LIPA: variants seen among roughly 807,000 people sequenced by gnomAD.
LIPA encodes lipase A, lysosomal acid type, also known as lysosomal acid lipase/cholesteryl ester hydrolase.
In LIPA, 26 loss-of-function variants were observed where a neutral mutation model predicts 40.6. That is an observed-to-expected ratio of 0.64 (90% CI 0.47 to 0.89). The LOEUF (loss-of-function observed/expected upper bound fraction) is 0.89. Ranked by LOEUF, LIPA falls within the 40% of genes least tolerant of loss-of-function variation. The pLI, the probability that LIPA is intolerant of heterozygous loss-of-function variation, is 0.00. For missense variants in LIPA, 455 were observed against 479.6 expected, an observed-to-expected ratio of 0.95 and a Z score of 0.48; for synonymous variants, 188 against 168.4, an observed-to-expected ratio of 1.12 and a Z score of -0.90.
chr10:89,362,862 T>C, intron 2 of LIPA: 1 of 318,498 alleles, frequency 3.1e-6, no homozygotes. Context: ...CATCACTGCC[T>C]ATTGCCTGGA....
chr10:89,282,007 A>C (rs1037120354), intron 1 of LIPA, among the ~76,000 whole-genome samples: 1 of 152,192 alleles, frequency 6.6e-6, no homozygotes, highest in African/African-American at 2.4e-5. Context: ...TGCAGGGTCT[A>C]CACTGTTGCT....
At chr10:89,283,438 C>T (rs762438859) in intron 1 of LIPA, among the ~76,000 whole-genome samples, 21 of 152,204 alleles carry the variant, frequency 1.4e-4, no homozygotes, top group Non-Finnish European at 2.5e-4. Context: ...TTTCTTTTAA[C>T]ATTAGCTACT....
chr10:89,251,759 C>T lies in LIPA; in HGVS notation c.-24G>A, dbSNP rs2133477849. ...CACCTGGAGCTGTCCTGCCGGGCCG[C>T]TGTCTCGAGTCGCAGTGCCAGCTCT... On this transcript the variant is annotated 5_prime_UTR_variant, in exon 1 of 10. Coordinates refer to ENST00000336233, the MANE Select transcript of LIPA (RefSeq NM_000235.4). 1 of 152,446 alleles carries T rather than the reference C, an allele frequency of 6.6e-6. No homozygotes were observed. Among genetic ancestry groups the T allele is most frequent in the East Asian group, 1.9e-4 (1 of 5,188 alleles). 9.4% of individuals were successfully genotyped at this position (152,446 alleles called of 1,614,324 possible). A position where few individuals can be genotyped will look rare whatever the true frequency, so the allele number is the denominator to read the frequency against.
intron 4 of LIPA, 106 bp downstream of exon 4, chr10:89,228,094 A>G: frequency 1.1e-6 from 1 of 947,450 alleles, no homozygotes; most frequent in Non-Finnish European, 1.7e-6. Flanking sequence ...TTCCCCTCTC[A>G]TACAACTTCA....
chr10:89,319,518 G>T (rs1843559728), intron 1 of LIPA, among the ~76,000 whole-genome samples: 1 of 152,180 alleles, frequency 6.6e-6, no homozygotes, highest in Non-Finnish European at 1.5e-5. Flanking sequence ...CCAGGAAGAA[G>T]TTGAATTCCT....
At chr10:89,410,680 A>C (rs953793879) in intron 2 of LIPA, among the ~76,000 whole-genome samples, 1 of 152,372 alleles carries the variant, frequency 6.6e-6, no homozygotes, top group Non-Finnish European at 1.5e-5. Context: ...CTAATCCTAC[A>C]TGCCCATGCT....
At chr10:89,304,434 G>A (rs1389526234) in intron 1 of LIPA, among the ~76,000 whole-genome samples, 1 of 152,154 alleles carries the variant, frequency 6.6e-6, no homozygotes, top group East Asian at 1.9e-4. Flanking sequence ...AAGTGGGAGA[G>A]AGAGGGGCAG....
chr10:89,239,610 C>G (rs778886160), intron 3 of LIPA, among the ~76,000 whole-genome samples: 1 of 152,186 alleles, frequency 6.6e-6, no homozygotes, highest in Non-Finnish European at 1.5e-5. Context: ...GGAAGAAAAC[C>G]GTTCCATGCC....
intron 2 of LIPA, among the ~76,000 whole-genome samples, chr10:89,411,372 T>G (rs1841468138): frequency 6.6e-6 from 1 of 152,146 alleles, no homozygotes; most frequent in South Asian, 2.1e-4. Context: ...TAATAATTGG[T>G]CTGCTCAAAT....
chr10:89,255,907 T>A (rs937731022), upstream of LIPA, among the ~76,000 whole-genome samples: 19 of 151,976 alleles, frequency 1.3e-4, no homozygotes, highest in Non-Finnish European at 7.4e-5. Context: ...ACAAACAGGG[T>A]TTGGGTGGCA....
chr10:89,383,229 G>C, intron 2 of LIPA: 1 of 1,124,630 alleles, frequency 8.9e-7, no homozygotes, highest in Non-Finnish European at 1.3e-6. Context: ...AATTAGGATA[G>C]AGCATATTTG....
intron 2 of LIPA, among the ~76,000 whole-genome samples, chr10:89,355,858 T>C (rs1564798541): frequency 6.6e-6 from 1 of 152,210 alleles, no homozygotes; most frequent in Non-Finnish European, 1.5e-5. Flanking sequence ...CATGGCAACA[T>C]TCAGAAGTTA....
At chr10:89,340,068 C>T (rs761406621) in intron 1 of LIPA, 4 of 1,613,652 alleles carry the variant, frequency 2.5e-6, no homozygotes, top group Non-Finnish European at 3.4e-6. Flanking sequence ...AGGAAATGGG[C>T]CAGGGCGCAG....
chr10:89,329,285 C>T (rs1843627129), intron 1 of LIPA, among the ~76,000 whole-genome samples: 1 of 152,150 alleles, frequency 6.6e-6, no homozygotes. Flanking sequence ...CTGCCAAATA[C>T]CTCAGTATAT....
chr10:89,405,889 G>C (rs554032021), intron 2 of LIPA: 2 of 151,788 alleles, frequency 1.3e-5, no homozygotes, highest in Non-Finnish European at 2.9e-5. Flanking sequence ...CCATGGATAC[G>C]ATTGCGGGGG....
rs142698422 is a variant in LIPA, at chr10:89,262,502, C to T, written c.-1-14853G>A. Among the ~76,000 whole-genome samples the T allele has an allele frequency of 1.6e-4, 25 of 152,338 alleles. No individual in the cohort carries two copies. In the East Asian group the frequency reaches 4.6e-3, roughly 28 times the overall value. ...GTCATGGAAACTCAGTATCTTTCTT[C>T]CTGTCTGAATCACAGCTTTGCTAAG... On this transcript the variant is annotated intron_variant, in intron 1 of 5. Transcript: ENST00000282673.
In LIPA at chr10:89,213,756, A is replaced by C. The variant is rs1842581807; in HGVS notation, c.*1072T>G. 6.6e-6 allele frequency: 1 copy of C among 152,242 alleles called. No homozygotes were observed. Among genetic ancestry groups the C allele is most frequent in the African/African-American group, 2.4e-5 (1 of 41,470 alleles). 9.4% of individuals were successfully genotyped at this position (152,242 alleles called of 1,614,324 possible). ...CACCGGACAGTATTGTAAGGAAATG[A>C]TGCTGCAAGAAAAGCAGACAAATAT... On this transcript the variant is annotated 3_prime_UTR_variant, in exon 10 of 10. Transcript: ENST00000336233.
chr10:89,348,076 G>A (rs1434977064), intron 2 of LIPA, among the ~76,000 whole-genome samples: 1 of 152,218 alleles, frequency 6.6e-6, no homozygotes, highest in Admixed American at 6.5e-5. Context: ...AGACATCTGA[G>A]GTTTTCTGGA....
intron 1 of LIPA, chr10:89,307,455 T>A: frequency 1.8e-6 from 2 of 1,129,334 alleles, no homozygotes; most frequent in Non-Finnish European, 2.5e-6. Flanking sequence ...TCAAAATATG[T>A]AATGACTGGT....
Sources: gnomAD v4.1 joint callset for allele counts (sites outside exome capture counted in the v4.1 genomes callset) on GRCh38, gnomAD v4.1.1 for gene constraint, MANE v1.5 for transcripts, NCBI Gene and HGNC (gene_info 2026-07-23, HGNC 2026-07-21) for gene names.